Variants in COL16A1 observed in about 807,000 individuals in gnomAD.
COL16A1 encodes collagen type XVI alpha 1 chain, also known as collagen alpha-1(XVI) chain.
Under a neutral mutation model 266.3 loss-of-function variants are expected in COL16A1, and 189 were observed. The observed-to-expected ratio is 0.71, with a 90% CI of 0.63 to 0.80. The LOEUF is 0.80. COL16A1 is among the 30% of genes least tolerant of loss of function. The pLI, the probability that COL16A1 is intolerant of heterozygous loss-of-function variation, is 0.00. For synonymous variants in COL16A1, 740 were observed against 782.3 expected, an observed-to-expected ratio of 0.95 and a Z score of 0.90; for missense variants, 1,928 against 2,122.4, an observed-to-expected ratio of 0.91 and a Z score of 1.80.
At chr1:31,653,168 A>G (rs1313452907) in intron 70 of COL16A1, among the ~76,000 whole-genome samples, 1 of 152,180 alleles carries the variant, frequency 6.6e-6, no homozygotes, top group African/African-American at 2.4e-5. Flanking sequence ...GAGAGGTTGC[A>G]CCTCTGGTAA....
At chr1:31,655,650 C>G in intron 66 of COL16A1, 148 bp from the exon 67 acceptor site, 1 of 1,341,404 alleles carries the variant, frequency 7.5e-7, no homozygotes, top group Non-Finnish European at 1.0e-6. Flanking sequence ...CCTCACTGCC[C>G]CAGAGTGGTC....
At chr1:31,699,982 ACAGATC>A (rs761964509) in intron 3 of COL16A1, 52 bp from the exon 4 acceptor site, 62 of 1,605,950 alleles carry the variant, frequency 3.9e-5, no homozygotes, top group Non-Finnish European at 3.8e-5. Context: ...GGAGAGGGGT[ACAGATC>A]ACTCCCAGAG....
At position 31,662,558 on chromosome 1, in the gene COL16A1, T is replaced by G. The variant is rs75845483; in HGVS notation, c.3627+29A>C. 1,186 of 1,558,258 alleles carry G rather than the reference T, an allele frequency of 7.6e-4. 1 individual carries two copies. Among genetic ancestry groups the G allele is most frequent in the Non-Finnish European group, 9.6e-4 (1,102 of 1,151,208 alleles). ...CACACATGCGCATGCATCGCACACG[T>G]CTGCCACGCTGAAAGGGCACACACT... On this transcript the variant is annotated intron_variant, in intron 57 of 70. Transcript: ENST00000373672.
chr1:31,695,865 A>G (rs1033104909), intron 9 of COL16A1, 78 bp from the exon 10 acceptor site: 13 of 1,369,894 alleles, frequency 9.5e-6, no homozygotes, highest in African/African-American at 8.5e-5. Context: ...CCCTACCCCC[A>G]AACCAACAGG....
At chr1:31,690,918 G>A (rs1302462303) in intron 20 of COL16A1, among the ~76,000 whole-genome samples, 1 of 152,208 alleles carries the variant, frequency 6.6e-6, no homozygotes, top group African/African-American at 2.4e-5. Context: ...CTCCAGCAAA[G>A]TCCACTTTGA....
chr1:31,668,311 G>A lies in COL16A1; in HGVS notation c.3250-93C>T. 1 of 1,363,676 alleles carries A rather than the reference G, an allele frequency of 7.3e-7. No homozygotes were observed. The highest frequency in any genetic ancestry group is 1.0e-6 in the Non-Finnish European group (1 of 962,488). 84.5% of individuals were successfully genotyped at this position (1,363,676 alleles called of 1,614,324 possible). A position where few individuals can be genotyped will look rare whatever the true frequency, so the allele number is the denominator to read the frequency against. Reference sequence around the variant, plus strand: ...GATGGCCAAAGCTAAAACCTCTGGGGCTGCCATCTAGCAGGTGCCAGCCTG... The same window carrying A: ...GATGGCCAAAGCTAAAACCTCTGGGACTGCCATCTAGCAGGTGCCAGCCTG... On this transcript the variant is annotated intron_variant, in intron 50 of 70. Coordinates refer to ENST00000373672, the MANE Select transcript of COL16A1 (RefSeq NM_001856.4). This position sits in a 1 kb window ranked among gnomAD's most constrained non-coding sequence, Gnocchi z 5.8.
At position 31,654,812 on chromosome 1, in the gene COL16A1, T is replaced by A. The variant is rs764024296; in HGVS notation, c.4337A>T (p.Glu1446Val). ...GTTACCATCAAACATTTTAATGATC[T>A]CTTGTCTGATGAACCTCTTGATTTC... is the stretch of plus-strand genomic sequence containing the variant. The part of the protein sequence containing the change: ...YDEIKRFIRQ[E>V]IIKMFDERMA... The change falls in exon 68 of 71, where the codon GAG (glutamate) becomes GTG (valine). Residue 1446 changes from glutamate (E) to valine (V), a missense_variant. By Grantham distance (121) the Glu-to-Val change is moderately radical (BLOSUM62 -2). Transcript: ENST00000373672. 2 of 1,613,904 alleles carry A rather than the reference T, an allele frequency of 1.2e-6. No individual in the cohort carries two copies. Among genetic ancestry groups the A allele is most frequent in the African/African-American group, 1.3e-5 (1 of 74,864 alleles).
intron 39 of COL16A1, 76 bp from the exon 40 acceptor site, chr1:31,680,177 T>G (rs945349661): frequency 6.4e-7 from 1 of 1,556,306 alleles, no homozygotes; most frequent in Non-Finnish European, 8.7e-7. Context: ...GAGAGGCACG[T>G]GGGCTCTAGA....
In COL16A1 at chr1:31,668,970, T is replaced by C. The variant is rs12073840; in HGVS notation, c.3196-115A>G. The C allele has an allele frequency of 4.2e-4, 368 of 870,832 alleles. 2 individuals are homozygous for C. In the African/African-American group the frequency reaches 5.5e-3, roughly 13 times the overall value. 53.9% of individuals were successfully genotyped at this position (870,832 alleles called of 1,614,324 possible). ...CCACTCCAGGCAAATATGGAGGCCA[T>C]AGTGGCTCTCGTAGTGTCCCTAGAA... is the stretch of plus-strand genomic sequence containing the variant. On this transcript the variant is annotated intron_variant, in intron 49 of 70. Coordinates refer to ENST00000373672, the MANE Select transcript of COL16A1 (RefSeq NM_001856.4). The surrounding 1 kb of genome is among the most constrained non-coding windows in gnomAD (Gnocchi z 5.8).
Position 31,652,507 on chromosome 1 carries a change from G to T in COL16A1, c.*144C>A, listed in dbSNP as rs930118987. ...TGGAAGGGAAAGGGCAGATAGTTTT[G>T]TTTCTTTATTATTTAAAAAATATTA... On this transcript the variant is annotated 3_prime_UTR_variant, in exon 71 of 71. Transcript: ENST00000373672. The surrounding 1 kb of genome is among the most constrained non-coding windows in gnomAD (Gnocchi z 4.8). 9.8e-7 allele frequency: 1 copy of T among 1,021,596 alleles called. No individual in the cohort carries two copies. Among genetic ancestry groups the T allele is most frequent in the Non-Finnish European group, 1.3e-6 (1 of 756,520 alleles). 63.3% of individuals were successfully genotyped at this position (1,021,596 alleles called of 1,614,324 possible).
At position 31,698,004 on chromosome 1, in the gene COL16A1, TG is replaced by T. The variant is rs756796675; in HGVS notation, c.558del (p.Cys186Ter). The T allele has an allele frequency of 1.9e-5, 30 of 1,613,340 alleles. No individual in the cohort carries two copies. The highest frequency in any genetic ancestry group is 2.5e-6 in the Non-Finnish European group (3 of 1,180,036). ...CCCAGAGGCTGGGAGGAGGCTGAGCTGCAGTCCACGTGCACAGAGGCCACAC... is the reference window on the plus strand; with the variant it reads ...CCCAGAGGCTGGGAGGAGGCTGAGCTCAGTCCACGTGCACAGAGGCCACAC... ...AGRVASVHVD[C>X]SSASSQPLGP... On this transcript the variant is annotated frameshift_variant, in exon 6 of 71. Coordinates refer to ENST00000373672, the MANE Select transcript of COL16A1 (RefSeq NM_001856.4). LOFTEE classifies it high-confidence loss of function. This position sits in a 1 kb window ranked among gnomAD's most constrained non-coding sequence, Gnocchi z 4.1.
intron 67 of COL16A1, 116 bp from the exon 68 acceptor site, chr1:31,654,974 T>G: frequency 2.2e-6 from 1 of 451,006 alleles, no homozygotes; most frequent in East Asian, 5.2e-5. Flanking sequence ...ACAGATTCTT[T>G]TTTTTTTTTT....
Position 31,698,997 on chromosome 1 carries a change from A to C in COL16A1, c.267-391T>G, listed in dbSNP as rs1314425028. Among the ~76,000 whole-genome samples, 1 of 152,172 alleles carries C rather than the reference A, an allele frequency of 6.6e-6. No homozygotes were observed. The highest frequency in any genetic ancestry group is 1.5e-5 in the Non-Finnish European group (1 of 68,026). ...GTAATCCCAGCTACCCGGGAGGCTG[A>C]GGCAGGAGAATTGCTTGAACCCAGG... On this transcript the variant is annotated intron_variant, in intron 4 of 70. Transcript: ENST00000373672. The surrounding 1 kb of genome is among the most constrained non-coding windows in gnomAD (Gnocchi z 4.1).
rs781258135 is a variant in COL16A1, at chr1:31,697,971, G to A, written c.592C>T (p.Arg198Ter). 13 of 1,613,276 alleles carry A rather than the reference G, an allele frequency of 8.1e-6. No homozygotes were observed. Among genetic ancestry groups the A allele is most frequent in the East Asian group, 4.5e-5 (2 of 44,868 alleles). The stretch of plus-strand genomic sequence containing the variant: ...ACATGGCCCACAGGCCTCATGGGTC[G>A]TCGGGGCCCCAGAGGCTGGGAGGAG... ...SASSQPLGPRRPMRPVGHVFL... is the reference protein window; with the variant it reads ...SASSQPLGPR Residue 198 changes from arginine (R) to a stop codon, truncating the protein, a stop_gained, in exon 6 of 71, where the codon CGA becomes TGA. Transcript: ENST00000373672. LOFTEE classifies it high-confidence loss of function. This position sits in a 1 kb window ranked among gnomAD's most constrained non-coding sequence, Gnocchi z 4.2.
Position 31,654,085 on chromosome 1 carries a change from C to T in COL16A1, c.4358-42G>A, listed in dbSNP as rs374845577. On this transcript the variant is annotated intron_variant, in intron 68 of 70. Transcript: ENST00000373672. ...AGGACAGGGACAGGTCAGAGGGTCC[C>T]CCAGGGACTCAGAATGACTGCAGAT... The T allele has an allele frequency of 6.3e-6, 10 of 1,577,552 alleles. No individual in the cohort carries two copies. In the South Asian group the frequency reaches 1.2e-4, roughly 18 times the overall value.
chr1:31,682,871 T>C (rs1348829781), intron 37 of COL16A1, 63 bp downstream of exon 37: 39 of 1,603,184 alleles, frequency 2.4e-5, no homozygotes, highest in Non-Finnish European at 3.1e-5. Context: ...CTGTGCCCTC[T>C]TCCCAGCAGA....
In COL16A1 at chr1:31,652,963, T is replaced by C; in HGVS notation, c.4613-110A>G. 8.8e-7 allele frequency: 1 copy of C among 1,130,620 alleles called. No homozygotes were observed. Among genetic ancestry groups the C allele is most frequent in the Non-Finnish European group, 1.2e-6 (1 of 852,558 alleles). 70.0% of individuals were successfully genotyped at this position (1,130,620 alleles called of 1,614,324 possible). Reference sequence around the variant, plus strand: ...TACATTTGATGACTGTTTCTCAAGTTACCACATGTTTTCATGAAGACCTAG... The same window carrying C: ...TACATTTGATGACTGTTTCTCAAGTCACCACATGTTTTCATGAAGACCTAG... On this transcript the variant is annotated intron_variant, in intron 70 of 70. Coordinates refer to ENST00000373672, the MANE Select transcript of COL16A1 (RefSeq NM_001856.4). The surrounding 1 kb of genome is among the most constrained non-coding windows in gnomAD (Gnocchi z 4.8).
At chr1:31,684,901 C>T (rs1411910473) in intron 29 of COL16A1, 45 bp from the exon 30 acceptor site, 2 of 1,611,518 alleles carry the variant, frequency 1.2e-6, no homozygotes, top group Admixed American at 1.7e-5. Context: ...ATACCAGCCA[C>T]CCCAAAGTGC....
chr1:31,667,141 G>A (rs1642209244), intron 52 of COL16A1, among the ~76,000 whole-genome samples: 1 of 152,238 alleles, frequency 6.6e-6, no homozygotes, highest in Non-Finnish European at 1.5e-5. Flanking sequence ...TTCAAGCCCA[G>A]GTTCCACCAC....
Sources: gnomAD v4.1 joint callset for allele counts (sites outside exome capture counted in the v4.1 genomes callset) on GRCh38, gnomAD v4.1.1 for gene constraint, Gnocchi (gnomAD v3.1) non-coding constraint, MANE v1.5 for transcripts, NCBI Gene and HGNC (gene_info 2026-07-23, HGNC 2026-07-21) for gene names.